COL16A1: variants seen among roughly 807,000 people sequenced by gnomAD.
COL16A1 encodes the protein collagen type XVI alpha 1 chain.
In COL16A1, 189 loss-of-function variants were observed where a neutral mutation model predicts 266.3. The observed-to-expected ratio is 0.71, with a 90% CI of 0.63 to 0.80. The LOEUF is 0.80. Among genes scored for constraint, COL16A1 ranks in the 30% least tolerant of loss-of-function variants. The pLI is 0.00. For missense variants in COL16A1, 1,928 were observed against 2,122.4 expected (o/e 0.91, Z 1.80); for synonymous variants, 740 against 782.3 (o/e 0.95, Z 0.90).
chr1:31,694,624 A>G (rs1157556505), intron 11 of COL16A1, among the ~76,000 whole-genome samples: 1 of 152,176 alleles, frequency 6.6e-6, no homozygotes, highest in Non-Finnish European at 1.5e-5. Flanking sequence ...GTCAACTCAG[A>G]ATGTTAGGCC....
intron 62 of COL16A1, chr1:31,660,048 A>G (rs1488153460): frequency 2.0e-5 from 3 of 148,354 alleles, no homozygotes; most frequent in African/African-American, 7.5e-5. Context: ...ACAGGGCTGC[A>G]ACAAAATGCC....
At position 31,661,275 on chromosome 1, in the gene COL16A1, G is replaced by C. The variant is rs1041316203; in HGVS notation, c.3771+139C>G. 4.6e-6 allele frequency: 7 copies of C among 1,512,628 alleles called. No individual in the cohort carries two copies. The African/African-American group carries it at 9.7e-5, about 21-fold the overall frequency. 93.7% of individuals were successfully genotyped at this position (1,512,628 alleles called of 1,614,324 possible). A position where few individuals can be genotyped will look rare whatever the true frequency, so the allele number is the denominator to read the frequency against. On this transcript the variant is annotated intron_variant, in intron 60 of 70. Coordinates refer to ENST00000373672, the MANE Select transcript of COL16A1 (RefSeq NM_001856.4). ...TGGTAGACAGAGAAGCCCTGACCCAGTCTGCCAGGCACCAGTGGCCCCAGG... is the reference window on the plus strand; with the variant it reads ...TGGTAGACAGAGAAGCCCTGACCCACTCTGCCAGGCACCAGTGGCCCCAGG...
chr1:31,661,918 G>A (rs757302164), intron 58 of COL16A1, among the ~76,000 whole-genome samples: 3 of 152,124 alleles, frequency 2.0e-5, no homozygotes, highest in Non-Finnish European at 4.4e-5. Context: ...ATATAAGGGG[G>A]TTGACTTTGA....
intron 23 of COL16A1, 41 bp from the exon 24 acceptor site, chr1:31,689,126 T>C (rs761959352): frequency 1.9e-6 from 3 of 1,612,484 alleles, no homozygotes; most frequent in South Asian, 1.1e-5. Flanking sequence ...CAGGGCACGA[T>C]GGGGCACCCC....
At position 31,668,078 on chromosome 1, in the gene COL16A1, G is replaced by A; in HGVS notation, c.3303+87C>T. 1 of 1,227,066 alleles carries A rather than the reference G, an allele frequency of 8.1e-7. No homozygotes were observed. Among genetic ancestry groups the A allele is most frequent in the Non-Finnish European group, 1.2e-6 (1 of 857,864 alleles). 76.0% of individuals were successfully genotyped at this position (1,227,066 alleles called of 1,614,324 possible). On this transcript the variant is annotated intron_variant, in intron 51 of 70. Coordinates refer to ENST00000373672, the MANE Select transcript of COL16A1 (RefSeq NM_001856.4). This position sits in a 1 kb window ranked among gnomAD's most constrained non-coding sequence, Gnocchi z 5.8. ...TGCCCGGTAATGGGGAGCCCGCCGA[G>A]GGTTGCCCAGCCTGGCTGTGTCCTG...
chr1:31,656,437 G>C lies in COL16A1; in HGVS notation c.4064C>G (p.Pro1355Arg), dbSNP rs759419729. ...TDGAAGKEGP[P>R]GKQGFYGPPG... The stretch of plus-strand genomic sequence containing the variant: ...AGGTCCATAGAATCCCTGCTTTCCA[G>C]GGGGTCCCTAGAGGAAAGCAAAAGT... Residue 1355 changes from proline to arginine, a missense_variant, in exon 66 of 71, where the codon CCT becomes CGT. Around this residue, in one of 2 missense-constraint regions of COL16A1, gnomAD observed 376 missense variants for 485.2 expected, o/e 0.77. Transcript: ENST00000373672. This position sits in a 1 kb window ranked among gnomAD's most constrained non-coding sequence, Gnocchi z 4.2. 4 of 1,612,846 alleles carry C rather than the reference G, an allele frequency of 2.5e-6. No individual in the cohort carries two copies. The highest frequency in any genetic ancestry group is 2.2e-5 in the East Asian group (1 of 44,874).
Position 31,684,533 on chromosome 1 carries a change from T to G in COL16A1, c.2150A>C (p.Lys717Thr). ...CCCCGCCTGACTAACCTTTTCTCCT[T>G]TTGGCCCCGCGGGGCCCTGAACTCC... is the stretch of plus-strand genomic sequence containing the variant. ...EPGVQGPAGP[K>T]GEKGDGCTAC... Residue 717 changes from lysine to threonine, a missense_variant, in exon 31 of 71, where the codon AAA becomes ACA. By Grantham distance (78) the Lys-to-Thr change is moderately conservative. Coordinates refer to ENST00000373672, the MANE Select transcript of COL16A1 (RefSeq NM_001856.4). The G allele has an allele frequency of 3.7e-6, 6 of 1,612,502 alleles. No homozygotes were observed. The highest frequency in any genetic ancestry group is 5.1e-6 in the Non-Finnish European group (6 of 1,179,382).
intron 60 of COL16A1, 98 bp downstream of exon 60, chr1:31,661,316 G>C (rs888529324): frequency 1.3e-6 from 2 of 1,589,096 alleles, no homozygotes; most frequent in Admixed American, 3.4e-5. Context: ...CTGATGCTGG[G>C]ATGGCCTCTC....
At chr1:31,673,751 C>T (rs1276770810) in intron 44 of COL16A1, among the ~76,000 whole-genome samples, 1 of 152,246 alleles carries the variant, frequency 6.6e-6, no homozygotes, top group Admixed American at 6.5e-5. Flanking sequence ...CCTGGATTGG[C>T]GTGGGCCTGT....
chr1:31,697,364 C>A lies in COL16A1; in HGVS notation c.658-64G>T. 1 of 1,471,268 alleles carries A rather than the reference C, an allele frequency of 6.8e-7. No homozygotes were observed. The highest frequency in any genetic ancestry group is 2.1e-4 in the Middle Eastern group (1 of 4,772). 91.1% of individuals were successfully genotyped at this position (1,471,268 alleles called of 1,614,324 possible). A position where few individuals can be genotyped will look rare whatever the true frequency, so the allele number is the denominator to read the frequency against. On this transcript the variant is annotated intron_variant, in intron 6 of 70. Coordinates refer to ENST00000373672, the MANE Select transcript of COL16A1 (RefSeq NM_001856.4). The surrounding 1 kb of genome is among the most constrained non-coding windows in gnomAD (Gnocchi z 4.2). ...CAAATAGCTCTGTGTCCTGGCCCCC[C>A]AGGAGGCACAGAGATGTCTCTGCCC...
rs1290664337 is a variant in COL16A1, at chr1:31,654,809, A to G, written c.4340T>C (p.Ile1447Thr). The change falls in exon 68 of 71, where the codon ATC (isoleucine) becomes ACC (threonine). Residue 1447 changes from isoleucine to threonine, a missense_variant. By Grantham distance (89) the Ile-to-Thr change is moderately conservative (BLOSUM62 -1). This residue lies in a region of COL16A1 where 376 missense variants were observed against 485.2 expected (regional missense o/e 0.77). Coordinates refer to ENST00000373672, the MANE Select transcript of COL16A1 (RefSeq NM_001856.4). The part of the protein sequence containing the change: ...DEIKRFIRQE[I>T]IKMFDERMAY... Reference sequence around the variant, plus strand: ...CCAGTTACCATCAAACATTTTAATGATCTCTTGTCTGATGAACCTCTTGAT... The same window carrying G: ...CCAGTTACCATCAAACATTTTAATGGTCTCTTGTCTGATGAACCTCTTGAT... 3 of 1,613,962 alleles carry G rather than the reference A, an allele frequency of 1.9e-6. No homozygotes were observed. Among genetic ancestry groups the G allele is most frequent in the Non-Finnish European group, 2.5e-6 (3 of 1,179,992 alleles).
In COL16A1 at chr1:31,695,202, C is replaced by CCATGGA; in HGVS notation, c.959_964dup (p.Val320_His321dup). On this transcript the variant is annotated inframe_insertion, in exon 11 of 71. Coordinates refer to ENST00000373672, the MANE Select transcript of COL16A1 (RefSeq NM_001856.4). ...TTCACTCACATTGCTGTCCCGGGCACCATGGACACAGGGCGGACACTGAAA... is the reference window on the plus strand; with the variant it reads ...TTCACTCACATTGCTGTCCCGGGCACCATGGACATGGACACAGGGCGGACACTGAAA... The CCATGGA allele has an allele frequency of 1.2e-6, 2 of 1,613,916 alleles. No individual in the cohort carries two copies. Among genetic ancestry groups the CCATGGA allele is most frequent in the Non-Finnish European group, 1.7e-6 (2 of 1,179,984 alleles).
chr1:31,662,978 A>C, intron 56 of COL16A1: 2 of 451,548 alleles, frequency 4.4e-6, no homozygotes, highest in Non-Finnish European at 4.0e-6. Flanking sequence ...CACAGCTTCA[A>C]TCCACTGTGA....
rs1192687505 is a variant in COL16A1 at position 31,691,426 on chromosome 1, A to C, written c.1389T>G (p.Pro463=). 6.2e-7 allele frequency: 1 copy of C among 1,611,546 alleles called. No individual in the cohort carries two copies. Among genetic ancestry groups the C allele is most frequent in the Non-Finnish European group, 8.5e-7 (1 of 1,178,542 alleles). Residue 463 remains proline, a synonymous_variant, in exon 19 of 71, where the codon CCT becomes CCG. Transcript: ENST00000373672. ...GLPGPPGIGL[P]GTPGDPGGPP... is the part of the protein sequence containing the mutation. The stretch of plus-strand genomic sequence containing the variant: ...GCAAGGGGGTACTCACCGGGGTCCC[A>C]GGCAGTCCTATCCCAGGGGGTCCAG...
At chr1:31,691,926 T>C in intron 17 of COL16A1, 79 bp downstream of exon 17, 1 of 1,603,450 alleles carries the variant, frequency 6.2e-7, no homozygotes, top group Non-Finnish European at 8.5e-7. Flanking sequence ...GGGAGGGGGC[T>C]GGATTCCCGA....
chr1:31,695,152 C>T (rs1349000331), intron 11 of COL16A1, 34 bp downstream of exon 11: 1 of 1,611,732 alleles, frequency 6.2e-7, no homozygotes, highest in South Asian at 1.1e-5. Context: ...CCGGCTCTTG[C>T]CCGCTCCACC....
chr1:31,680,225 T>C (rs926793089), intron 39 of COL16A1, 124 bp from the exon 40 acceptor site: 44 of 1,419,788 alleles, frequency 3.1e-5, no homozygotes, highest in Non-Finnish European at 4.1e-5. Context: ...GATCTGCCTC[T>C]TCTAATGTGC....
intron 10 of COL16A1, 132 bp downstream of exon 10, chr1:31,695,629 C>T: frequency 1.1e-6 from 1 of 876,084 alleles, no homozygotes; most frequent in Non-Finnish European, 1.9e-6. Flanking sequence ...CAGGGCCCAG[C>T]ATCAGGCCCT....
In COL16A1 at chr1:31,661,679, G is replaced by C. The variant is rs780612585; in HGVS notation, c.3707C>G (p.Pro1236Arg). 7.5e-6 allele frequency: 12 copies of C among 1,605,774 alleles called. No individual in the cohort carries two copies. The highest frequency in any genetic ancestry group is 6.7e-5 in the African/African-American group (5 of 74,094). ...ACTTACCGGTGGTCCCATGAGTCCA[G>C]GGGGGCCAGCAGGACCAGGGTCCCC... ...LRGDPGPAGP[P>R]GLMGPPGFKG... Residue 1236 changes from proline to arginine, a missense_variant, in exon 59 of 71, where the codon CCT (proline) becomes CGT (arginine). By Grantham distance (103) the Pro-to-Arg change is moderately radical. Around this residue, in one of 2 missense-constraint regions of COL16A1, gnomAD observed 1,552 missense variants for 1,637.2 expected, o/e 0.95. Transcript: ENST00000373672.
Sources: gnomAD v4.1 joint callset for allele counts (sites outside exome capture counted in the v4.1 genomes callset) on GRCh38, gnomAD v4.1.1 for gene constraint, gnomAD v4.1.1 regional missense constraint, Gnocchi (gnomAD v3.1) non-coding constraint, MANE v1.5 for transcripts, NCBI Gene and HGNC (gene_info 2026-07-23, HGNC 2026-07-21) for gene names.